The following BCL2 variants were observed in gnomAD, a reference collection of about 807,000 sequenced individuals.
The protein encoded by BCL2 is apoptosis regulator Bcl-2.
BCL2 carries 1 observed loss-of-function variant against 14.2 expected under a neutral mutation model. The observed-to-expected ratio is 0.07, with a 90% confidence interval of 0.02 to 0.33. The LOEUF is 0.33. Ranked by LOEUF, BCL2 falls within the 10% of genes least tolerant of loss-of-function variation. The pLI, the probability that BCL2 is intolerant of heterozygous loss-of-function variation, is 0.99. For missense variants in BCL2, 247 were observed against 305.9 expected, an observed-to-expected ratio of 0.81 and a Z score of 1.44; for synonymous variants, 151 against 137.2, an observed-to-expected ratio of 1.10 and a Z score of -0.70.
At chr18:63,156,969 C>G (rs558527569) in intron 2 of BCL2, among the ~76,000 whole-genome samples, 68 of 152,324 alleles carry the variant, frequency 4.5e-4, no homozygotes, top group African/African-American at 1.5e-3. Context: ...GAGTAGCTAC[C>G]GCAGCTACTC....
intron 2 of BCL2, among the ~76,000 whole-genome samples, chr18:63,287,830 T>C (rs1032846193): frequency 6.6e-6 from 1 of 152,280 alleles, no homozygotes; most frequent in East Asian, 1.9e-4. Flanking sequence ...AGGATTCAGA[T>C]ATGTGGGGAG....
intron 2 of BCL2, among the ~76,000 whole-genome samples, chr18:63,218,421 T>G (rs1233626251): frequency 6.6e-6 from 1 of 152,102 alleles, no homozygotes; most frequent in Non-Finnish European, 1.5e-5. Flanking sequence ...TTCTTCCCTT[T>G]CTTTTTTTTC....
intron 2 of BCL2, chr18:63,317,436 C>G (rs533310603): frequency 1.5e-6 from 1 of 678,074 alleles, no homozygotes; most frequent in African/African-American, 2.0e-5. Flanking sequence ...CCACTGGGAA[C>G]ATGGCACACA....
intron 2 of BCL2, among the ~76,000 whole-genome samples, chr18:63,168,595 C>T (rs1174458432): frequency 6.6e-6 from 1 of 152,176 alleles, no homozygotes; most frequent in Non-Finnish European, 1.5e-5. Flanking sequence ...ACGTCCACAG[C>T]CAGACATCCA....
intron 2 of BCL2, among the ~76,000 whole-genome samples, chr18:63,171,212 T>G (rs954979407): frequency 6.6e-6 from 1 of 152,222 alleles, no homozygotes; most frequent in Non-Finnish European, 1.5e-5. Context: ...TTTTCAAGTA[T>G]CAGTCCCTGT....
intron 2 of BCL2, among the ~76,000 whole-genome samples, chr18:63,253,398 A>C (rs1035201114): frequency 6.6e-6 from 1 of 152,232 alleles, no homozygotes; most frequent in Non-Finnish European, 1.5e-5. Context: ...GTTAATAATC[A>C]ATCATTTCCC....
chr18:63,289,232 G>A (rs1912566825), intron 2 of BCL2, among the ~76,000 whole-genome samples: 1 of 151,874 alleles, frequency 6.6e-6, no homozygotes, highest in East Asian at 1.9e-4. Context: ...GTATATCAAA[G>A]TAATATCAAA....
chr18:63,269,972 T>G (rs1696013493), intron 2 of BCL2, among the ~76,000 whole-genome samples: 1 of 152,198 alleles, frequency 6.6e-6, no homozygotes, highest in African/African-American at 2.4e-5. Context: ...ACCTTTGAAA[T>G]GTATATATAT....
chr18:63,173,102 C>T (rs1915265752), intron 2 of BCL2, among the ~76,000 whole-genome samples: 1 of 152,092 alleles, frequency 6.6e-6, no homozygotes, highest in Admixed American at 6.5e-5. Context: ...ATCAATTCTC[C>T]TTTTTGTTTT....
intron 2 of BCL2, among the ~76,000 whole-genome samples, chr18:63,224,291 A>C (rs1004934063): frequency 8.5e-5 from 13 of 152,256 alleles, no homozygotes; most frequent in Admixed American, 8.5e-4. Context: ...CAGTCTTGAC[A>C]GATTGAAAGA....
At chr18:63,189,582 C>T (rs74882475) in intron 2 of BCL2, among the ~76,000 whole-genome samples, 1 of 152,026 alleles carries the variant, frequency 6.6e-6, no homozygotes, top group East Asian at 1.9e-4. Flanking sequence ...TGTTTTTCTG[C>T]GTTAGGCTCA....
intron 2 of BCL2, among the ~76,000 whole-genome samples, chr18:63,287,562 G>A (rs1912511084): frequency 1.3e-5 from 2 of 152,220 alleles, no homozygotes; most frequent in South Asian, 4.1e-4. Context: ...GACCTGTTCT[G>A]TATACTGATT....
At position 63,203,813 on chromosome 18, in the gene BCL2, A is replaced by G. The variant is rs186691215; in HGVS notation, c.586-75054T>C. Reference sequence around the variant, plus strand: ...TATGCTGTAAACACAACAGAAATGTAAAGTATTGTTATAACAGACATACTT... The same window carrying G: ...TATGCTGTAAACACAACAGAAATGTGAAGTATTGTTATAACAGACATACTT... On this transcript the variant is annotated intron_variant, in intron 2 of 2. Transcript: ENST00000333681. 3.3e-5 allele frequency among the ~76,000 whole-genome samples: 5 copies of G among 152,346 alleles called. No individual in the cohort carries two copies. In the East Asian group the frequency reaches 9.6e-4, roughly 29 times the overall value.
intron 2 of BCL2, among the ~76,000 whole-genome samples, chr18:63,246,667 C>T (rs934309645): frequency 6.6e-6 from 1 of 152,182 alleles, no homozygotes; most frequent in Non-Finnish European, 1.5e-5. Flanking sequence ...ACAGCCAAAC[C>T]ATATCACCAT....
intron 2 of BCL2, among the ~76,000 whole-genome samples, chr18:63,281,671 AG>A (rs1912314040): frequency 2.4e-4 from 2 of 8,350 alleles, no homozygotes; most frequent in Non-Finnish European, 8.4e-4. Flanking sequence ...TGTCTCAGAA[AG>A]AAAGAAAGAA....
intron 2 of BCL2, among the ~76,000 whole-genome samples, chr18:63,255,835 C>G (rs995939299): frequency 6.6e-6 from 1 of 151,458 alleles, no homozygotes; most frequent in Non-Finnish European, 1.5e-5. Flanking sequence ...CCTCCCCCCC[C>G]GCCACACACA....
chr18:63,290,406 A>G (rs1220951709), intron 2 of BCL2, among the ~76,000 whole-genome samples: 1 of 152,236 alleles, frequency 6.6e-6, no homozygotes, highest in Non-Finnish European at 1.5e-5. Context: ...ACAATGAGTC[A>G]AGACAGACAG....
chr18:63,187,435 C>T (rs181487246), intron 2 of BCL2, among the ~76,000 whole-genome samples: 197 of 152,306 alleles, frequency 1.3e-3, no homozygotes, highest in Non-Finnish European at 9.8e-4. Flanking sequence ...TTCTCTCTAC[C>T]TAGATAAGTG....
chr18:63,255,578 G>C (rs963034395), intron 2 of BCL2, among the ~76,000 whole-genome samples: 10 of 152,324 alleles, frequency 6.6e-5, no homozygotes, highest in African/African-American at 2.4e-4. Context: ...CAGGATAAGA[G>C]ATGTGGTTTG....
Sources: allele counts gnomAD v4.1 joint callset (sites outside exome capture counted in the v4.1 genomes callset), GRCh38; gene constraint gnomAD v4.1.1; transcripts MANE v1.5; gene names NCBI Gene and HGNC (gene_info 2026-07-23, HGNC 2026-07-21).